The following ANK3 variants were observed in gnomAD, a reference collection of about 807,000 sequenced individuals.
The protein encoded by ANK3 is ankyrin 3, also known as ankyrin-3.
ANK3 carries 57 observed loss-of-function variants against 370.9 expected under a neutral mutation model. The ratio of observed to expected loss-of-function variants is 0.15; its 90% confidence interval spans 0.12 to 0.19. ANK3 has a LOEUF of 0.19. Ranked by LOEUF, ANK3 falls within the 10% of genes least tolerant of loss-of-function variation. The pLI, the probability that ANK3 is intolerant of heterozygous loss-of-function variation, is 1.00. For missense variants in ANK3, 4,439 were observed against 5,302.1 expected (o/e 0.84, Z 5.06); for synonymous variants, 1,929 against 1,946.3 (o/e 0.99, Z 0.23).
At chr10:60,599,699 G>A (rs925069479) in intron 2 of ANK3, among the ~76,000 whole-genome samples, 21 of 152,094 alleles carry the variant, frequency 1.4e-4, no homozygotes, top group South Asian at 6.2e-4. Flanking sequence ...ATCTCTCTCC[G>A]TAATCTATTT....
intron 2 of ANK3, among the ~76,000 whole-genome samples, chr10:60,460,890 A>G (rs551942357): frequency 3.3e-5 from 5 of 152,310 alleles, no homozygotes; most frequent in African/African-American, 1.2e-4. Context: ...TGACTCTATA[A>G]TTCACAATAC....
chr10:60,310,439 C>T (rs75208577), intron 1 of ANK3, among the ~76,000 whole-genome samples: 3,628 of 152,192 alleles, frequency 0.024, 126 homozygotes, highest in African/African-American at 0.079. Context: ...AATACTCACA[C>T]GCATTTATTA....
intron 2 of ANK3, among the ~76,000 whole-genome samples, chr10:60,529,326 T>C (rs1404236061): frequency 6.6e-6 from 1 of 152,132 alleles, no homozygotes; most frequent in African/African-American, 2.4e-5. Flanking sequence ...CAAAATGTTC[T>C]CAAATGCCTA....
At chr10:60,411,886 A>C (rs1416571442) in intron 2 of ANK3, among the ~76,000 whole-genome samples, 1 of 152,174 alleles carries the variant, frequency 6.6e-6, no homozygotes, top group Non-Finnish European at 1.5e-5. Flanking sequence ...AAGGAGTCAA[A>C]TTTAAAAAAA....
At chr10:60,098,243 G>A (rs922353878) in intron 28 of ANK3, among the ~76,000 whole-genome samples, 2 of 151,986 alleles carry the variant, frequency 1.3e-5, no homozygotes, top group African/African-American at 2.4e-5. Context: ...AGCTTTTGAG[G>A]GCAGCCAGAG....
intron 1 of ANK3, among the ~76,000 whole-genome samples, chr10:60,628,048 G>A (rs553489572): frequency 6.6e-6 from 1 of 152,230 alleles, no homozygotes; most frequent in African/African-American, 2.4e-5. Flanking sequence ...GAAAACGAAC[G>A]CACACAATAA....
At chr10:60,358,002 G>A (rs546039083) in intron 1 of ANK3, among the ~76,000 whole-genome samples, 9 of 151,832 alleles carry the variant, frequency 5.9e-5, no homozygotes, top group Non-Finnish European at 8.8e-5. Context: ...ATTATCTCCT[G>A]TCCCTTTTAC....
chr10:60,034,342 A>T (rs1476695923), intron 43 of ANK3, among the ~76,000 whole-genome samples: 1 of 152,056 alleles, frequency 6.6e-6, no homozygotes. Context: ...TCCTGACCGC[A>T]GGTGATCTGC....
intron 2 of ANK3, among the ~76,000 whole-genome samples, chr10:60,479,619 A>G (rs1242876205): frequency 3.9e-5 from 6 of 152,178 alleles, no homozygotes; most frequent in Admixed American, 3.9e-4. Context: ...TTTCAAAGTC[A>G]TCCAGTGAAA....
At chr10:60,442,252 C>T (rs1350657733) in intron 2 of ANK3, among the ~76,000 whole-genome samples, 18 of 151,854 alleles carry the variant, frequency 1.2e-4, no homozygotes, top group Non-Finnish European at 1.6e-4. Flanking sequence ...CACGCCACCA[C>T]GCCTGGCTAA....
rs191563710 is a variant in ANK3, at chr10:60,262,303, C to T, written c.700-346G>A. 2.6e-3 allele frequency among the ~76,000 whole-genome samples: 397 copies of T among 152,228 alleles called. 3 individuals carry two copies. Among genetic ancestry groups the T allele is most frequent in the South Asian group, 0.018 (86 of 4,824 alleles). On this transcript the variant is annotated intron_variant, in intron 6 of 43. Coordinates refer to ENST00000280772, the MANE Select transcript of ANK3 (RefSeq NM_020987.5). ...ATTAGTGCCGCTGTTTTATTACTGA[C>T]GATAGAATTGTGCATTGAAACTCAA...
intron 1 of ANK3, among the ~76,000 whole-genome samples, chr10:60,722,402 C>T (rs1399167940): frequency 2.0e-5 from 3 of 151,810 alleles, no homozygotes; most frequent in Non-Finnish European, 2.9e-5. Context: ...TATGATCGCA[C>T]CACTGCACTC....
intron 2 of ANK3, among the ~76,000 whole-genome samples, chr10:60,609,884 A>AC (rs2078178659): frequency 2.0e-5 from 3 of 152,172 alleles, no homozygotes; most frequent in African/African-American, 7.2e-5. Flanking sequence ...TATATTTTCT[A>AC]AAGATTTACA....
chr10:60,195,631 G>C (rs1259974160), intron 16 of ANK3, among the ~76,000 whole-genome samples: 2 of 151,926 alleles, frequency 1.3e-5, no homozygotes, highest in African/African-American at 4.8e-5. Flanking sequence ...TAATAATATA[G>C]CTATATACCC....
intron 1 of ANK3, among the ~76,000 whole-genome samples, chr10:60,374,809 C>T (rs886468858): frequency 6.6e-6 from 1 of 152,004 alleles, no homozygotes; most frequent in African/African-American, 2.4e-5. Context: ...TTCGTTGGTA[C>T]TTTTGGTACA....
intron 1 of ANK3, among the ~76,000 whole-genome samples, chr10:60,375,639 G>T (rs146325461): frequency 6.6e-6 from 1 of 152,126 alleles, no homozygotes; most frequent in Non-Finnish European, 1.5e-5. Context: ...ACCACACTTC[G>T]CTAGAACCCA....
intron 2 of ANK3, among the ~76,000 whole-genome samples, chr10:60,418,729 C>G (rs1426816452): frequency 1.3e-5 from 2 of 149,882 alleles, no homozygotes; most frequent in African/African-American, 4.9e-5. Context: ...AAAAAAAAAG[C>G]CTTGTTTATC....
chr10:60,385,855 T>C (rs1166226553), intron 1 of ANK3, among the ~76,000 whole-genome samples: 1 of 152,216 alleles, frequency 6.6e-6, no homozygotes, highest in East Asian at 1.9e-4. Flanking sequence ...TGTATTCATA[T>C]ACTAACAAAA....
chr10:60,067,910 T>G, intron 38 of ANK3, 25 bp downstream of exon 38: 1 of 1,551,752 alleles, frequency 6.4e-7, no homozygotes, highest in Non-Finnish European at 8.8e-7. Flanking sequence ...ACTAATTTGT[T>G]CCATTCAGGA....
Sources: allele counts gnomAD v4.1 joint callset (sites outside exome capture counted in the v4.1 genomes callset), GRCh38; gene constraint gnomAD v4.1.1; transcripts MANE v1.5; gene names NCBI Gene and HGNC (gene_info 2026-07-23, HGNC 2026-07-21).